Variants in EEF1AKMT1 observed in about 807,000 individuals in gnomAD.
EEF1AKMT1 encodes N-6 adenine-specific DNA methyltransferase 2 (putative).
A neutral mutation model predicts 21.0 loss-of-function variants in EEF1AKMT1; 18 were observed. That is an observed-to-expected ratio of 0.86 (90% confidence interval 0.59 to 1.27). The LOEUF is 1.27. Ranked by LOEUF, EEF1AKMT1 falls within the 50% of genes most tolerant of loss-of-function variation. The pLI, the probability that EEF1AKMT1 is intolerant of heterozygous loss-of-function variation, is 0.00. For missense variants in EEF1AKMT1, 246 were observed against 258.6 expected (o/e 0.95, Z 0.33); for synonymous variants, 109 against 94.8 (o/e 1.15, Z -0.87).
rs557495988 is a variant in EEF1AKMT1, at chr13:20,765,257, C to T, written c.-19-7640G>A. Among the ~76,000 whole-genome samples, 20 of 152,084 alleles carry T rather than the reference C, an allele frequency of 1.3e-4. No homozygotes were observed. In the East Asian group the frequency reaches 3.9e-3, roughly 29 times the overall value. On this transcript the variant is annotated intron_variant, in intron 1 of 4. Transcript: ENST00000382758. ...CCCAGGCAACAGTGCAAGACTCCAA[C>T]TCGAAAATAAAATAAAATAAAAATA...
chr13:20,732,973 C>G (rs973422735), intron 3 of EEF1AKMT1, among the ~76,000 whole-genome samples: 1 of 152,030 alleles, frequency 6.6e-6, no homozygotes, highest in Admixed American at 6.6e-5. Context: ...ATTAAAGTAT[C>G]TATCTCATTA....
chr13:20,758,536 T>C (rs1025876063), intron 1 of EEF1AKMT1, among the ~76,000 whole-genome samples: 1 of 152,194 alleles, frequency 6.6e-6, no homozygotes, highest in African/African-American at 2.4e-5. Flanking sequence ...ATCAGTATTT[T>C]GGCTAGCTTA....
chr13:20,749,169 T>C (rs2058927809), intron 2 of EEF1AKMT1, among the ~76,000 whole-genome samples: 1 of 152,218 alleles, frequency 6.6e-6, no homozygotes, highest in African/African-American at 2.4e-5. Context: ...AATGCATGAC[T>C]GTTTCATTTG....
intron 1 of EEF1AKMT1, among the ~76,000 whole-genome samples, chr13:20,771,426 ATTCCTTTGATAATCATT>A (rs1248369745): frequency 1.3e-5 from 2 of 152,160 alleles, no homozygotes; most frequent in Admixed American, 1.3e-4. Flanking sequence ...TACCAAATCC[ATTCCTTTGATAATCATT>A]TTCTACCCTG....
rs1182283487 is a variant in EEF1AKMT1, at chr13:20,749,678, G to A, written c.144+7777C>T. On this transcript the variant is annotated intron_variant, in intron 2 of 4. Coordinates refer to ENST00000382758, the MANE Select transcript of EEF1AKMT1 (RefSeq NM_001318939.2). ...GCTTGAGCCCAGGAGTTTGAGACTA[G>A]CCTGGGCAACATAGTGAGACTCCAT... Among the ~76,000 whole-genome samples the A allele has an allele frequency of 3.3e-5, 5 of 152,086 alleles. No homozygotes were observed. The South Asian group carries it at 8.3e-4, about 25-fold the overall frequency.
chr13:20,744,699 T>C (rs1437035292), intron 2 of EEF1AKMT1, among the ~76,000 whole-genome samples: 1 of 152,270 alleles, frequency 6.6e-6, no homozygotes, highest in African/African-American at 2.4e-5. Flanking sequence ...TAGATCCCAT[T>C]TGCCAATTTT....
intron 2 of EEF1AKMT1, among the ~76,000 whole-genome samples, chr13:20,742,988 C>T (rs1367031383): frequency 6.6e-6 from 1 of 151,808 alleles, no homozygotes; most frequent in East Asian, 1.9e-4. Flanking sequence ...TATCAATCTT[C>T]TCCTTTATGA....
intron 1 of EEF1AKMT1, among the ~76,000 whole-genome samples, chr13:20,765,017 T>C (rs2059020404): frequency 6.6e-6 from 1 of 151,596 alleles, no homozygotes; most frequent in African/African-American, 2.4e-5. Context: ...ATCCCAGCAC[T>C]TTGAGAGGCT....
rs1332936770 is a variant in EEF1AKMT1 at position 20,731,836 on chromosome 13, C to G, written c.508+5G>C. Reference sequence around the variant, plus strand: ...CTTTGATGAGATATGAAATGCAGCACCTACCTGTGCACAGCAGAATCTTGC... The same window carrying G: ...CTTTGATGAGATATGAAATGCAGCAGCTACCTGTGCACAGCAGAATCTTGC... On this transcript the variant is annotated splice_donor_5th_base_variant and intron_variant, in intron 4 of 4. Coordinates refer to ENST00000382758, the MANE Select transcript of EEF1AKMT1 (RefSeq NM_001318939.2). 1.2e-6 allele frequency: 2 copies of G among 1,609,358 alleles called. No homozygotes were observed. The highest frequency in any genetic ancestry group is 1.7e-6 in the Non-Finnish European group (2 of 1,176,626).
chr13:20,745,635 G>A (rs1288380597), intron 2 of EEF1AKMT1, among the ~76,000 whole-genome samples: 1 of 152,138 alleles, frequency 6.6e-6, no homozygotes, highest in Non-Finnish European at 1.5e-5. Context: ...TGGATCATGA[G>A]GTCAGGAGTT....
At chr13:20,763,087 G>A (rs1477172457) in intron 1 of EEF1AKMT1, among the ~76,000 whole-genome samples, 1 of 152,040 alleles carries the variant, frequency 6.6e-6, no homozygotes, top group Non-Finnish European at 1.5e-5. Context: ...TCTTCATGAG[G>A]TATATTTGTC....
intron 1 of EEF1AKMT1, among the ~76,000 whole-genome samples, chr13:20,762,027 A>G (rs1023705214): frequency 6.6e-6 from 1 of 152,076 alleles, no homozygotes; most frequent in African/African-American, 2.4e-5. Context: ...TTGAGTCTGG[A>G]GGCATAGGAT....
chr13:20,761,256 C>G (rs2059000379), intron 1 of EEF1AKMT1, among the ~76,000 whole-genome samples: 1 of 152,224 alleles, frequency 6.6e-6, no homozygotes. Flanking sequence ...CCACCTCAAT[C>G]TCCATTCTTA....
chr13:20,772,258 A>T (rs558535004), intron 1 of EEF1AKMT1, among the ~76,000 whole-genome samples: 2 of 152,140 alleles, frequency 1.3e-5, no homozygotes, highest in Admixed American at 1.3e-4. Flanking sequence ...TTAGATTTTA[A>T]AACTTGTACC....
chr13:20,754,721 C>A (rs916704538), intron 2 of EEF1AKMT1, among the ~76,000 whole-genome samples: 2 of 137,624 alleles, frequency 1.5e-5, no homozygotes, highest in East Asian at 4.3e-4. Flanking sequence ...CATGGTAAAA[C>A]CCTGTCTCTA....
intron 1 of EEF1AKMT1, 60 bp downstream of exon 1, chr13:20,773,861 T>C (rs956076178): frequency 6.6e-6 from 1 of 152,380 alleles, no homozygotes; most frequent in African/African-American, 2.4e-5. Context: ...CCTAACCCAG[T>C]CCAAAACGCC....
intron 1 of EEF1AKMT1, among the ~76,000 whole-genome samples, chr13:20,766,049 C>T (rs35733969): frequency 0.059 from 8,924 of 151,776 alleles, 644 homozygotes; most frequent in African/African-American, 0.17. Flanking sequence ...CCTGTAATCC[C>T]AGCACTTTGG....
rs2058773429 is a variant in EEF1AKMT1, at chr13:20,728,785, G to A, written c.*295C>T. 2 of 384,694 alleles carry A rather than the reference G, an allele frequency of 5.2e-6. No homozygotes were observed. Among genetic ancestry groups the A allele is most frequent in the Non-Finnish European group, 9.7e-6 (2 of 206,362 alleles). The allele number at this position is 384,694 out of a possible 1,614,324, so 23.8% of individuals were successfully genotyped here. On this transcript the variant is annotated 3_prime_UTR_variant, in exon 5 of 5. Coordinates refer to ENST00000382758, the MANE Select transcript of EEF1AKMT1 (RefSeq NM_001318939.2). ...GTCTCATTCAGGAGCCCTTGGGCAA[G>A]CCACACAACTGTTCTTCTGTTTTTA...
At chr13:20,769,317 T>A (rs927814217) in intron 1 of EEF1AKMT1, 1 of 152,244 alleles carries the variant, frequency 6.6e-6, no homozygotes, top group African/African-American at 2.4e-5. Flanking sequence ...AACATTGGAA[T>A]AATCTGTTCT....
Sources: allele counts gnomAD v4.1 joint callset (sites outside exome capture counted in the v4.1 genomes callset), GRCh38; gene constraint gnomAD v4.1.1; transcripts MANE v1.5; gene names NCBI Gene and HGNC (gene_info 2026-07-23, HGNC 2026-07-21).